Variants in APOB observed in about 807,000 individuals in gnomAD.
The protein encoded by APOB is apolipoprotein B, also known as apolipoprotein B-100.
A neutral mutation model predicts 314.1 loss-of-function variants in APOB; 153 were observed. That is an observed-to-expected ratio of 0.49 (90% CI 0.43 to 0.56). The LOEUF (loss-of-function observed/expected upper bound fraction) is 0.56. APOB is among the 20% of genes least tolerant of loss of function. The pLI, the probability that APOB is intolerant of heterozygous loss-of-function variation, is 0.00. For synonymous variants in APOB, 2,087 were observed against 2,036.4 expected, an observed-to-expected ratio of 1.02 and a Z score of -0.67; for missense variants, 5,430 against 5,350.7, an observed-to-expected ratio of 1.01 and a Z score of -0.46.
chr2:21,004,228 A>T (rs1411506498), intron 28 of APOB, 41 bp downstream of exon 28: 1 of 1,601,294 alleles, frequency 6.2e-7, no homozygotes, highest in Non-Finnish European at 8.6e-7. Flanking sequence ...CCAATTCTCC[A>T]CTCGCTCTTG....
At position 21,027,046 on chromosome 2, in the gene APOB, A is replaced by G. The variant is rs1180699366; in HGVS notation, c.2068-82T>C. 3.1e-6 allele frequency: 4 copies of G among 1,273,552 alleles called. No homozygotes were observed. The Admixed American group carries it at 7.1e-5, about 23-fold the overall frequency. 78.9% of individuals were successfully genotyped at this position (1,273,552 alleles called of 1,614,324 possible). On this transcript the variant is annotated intron_variant, in intron 14 of 28. Coordinates refer to ENST00000233242, the MANE Select transcript of APOB (RefSeq NM_000384.3). ...CTAGTAGTCCCCACTCTTGATGTCC[A>G]TTTATCTAAACAAGTATTTGAATAC...
intron 18 of APOB, 88 bp downstream of exon 18, chr2:21,022,743 A>G: frequency 1.6e-6 from 2 of 1,243,538 alleles, no homozygotes; most frequent in Non-Finnish European, 2.3e-6. Flanking sequence ...AATGATCTCA[A>G]TCAACTGTTT....
intron 14 of APOB, among the ~76,000 whole-genome samples, chr2:21,027,231 T>A (rs1663752386): frequency 6.6e-6 from 1 of 152,136 alleles, no homozygotes; most frequent in Admixed American, 6.5e-5. Context: ...TGATTTGAGA[T>A]TTGAAGCAGA....
In APOB at chr2:21,019,809, A is replaced by G; in HGVS notation, c.2913T>C (p.Pro971=). ...CGCCTGAGGTGCAGTAATTCAGGCC[A>G]GGAAAGACTTGCTTGCAAACTGACC... The part of the protein sequence containing the change: ...QSWSVCKQVF[P]GLNYCTSGAY... Residue 971 remains proline, a synonymous_variant, in exon 19 of 29, where the codon CCT becomes CCC. Coordinates refer to ENST00000233242, the MANE Select transcript of APOB (RefSeq NM_000384.3). The G allele has an allele frequency of 1.2e-6, 2 of 1,614,192 alleles. No homozygotes were observed. Among genetic ancestry groups the G allele is most frequent in the Non-Finnish European group, 1.7e-6 (2 of 1,180,026 alleles).
chr2:21,029,998 G>A lies in APOB; in HGVS notation c.1370C>T (p.Pro457Leu). 2.5e-6 allele frequency: 4 copies of A among 1,612,158 alleles called. No individual in the cohort carries two copies. Among genetic ancestry groups the A allele is most frequent in the Non-Finnish European group, 1.7e-6 (2 of 1,178,196 alleles). Residue 457 changes from proline to leucine, a missense_variant, in exon 11 of 29, where the codon CCT (proline) becomes CTT (leucine). This residue lies in a region of APOB where 2,085 missense variants were observed against 2,079.7 expected (regional missense o/e 1.00). Coordinates refer to ENST00000233242, the MANE Select transcript of APOB (RefSeq NM_000384.3). ...HAVNNYHKTN[P>L]TGTQELLDIA... ...GTCCAGCAGCTCCTGGGTCCCTGTA[G>A]GGTTTGTCTTATGATAGCTACAGAA... is the stretch of plus-strand genomic sequence containing the variant.
chr2:21,037,448 G>C (rs902748766), intron 5 of APOB, among the ~76,000 whole-genome samples, 193 bp from the exon 6 acceptor site: 2 of 152,168 alleles, frequency 1.3e-5, no homozygotes, highest in African/African-American at 4.8e-5. Context: ...GAGAAAACCA[G>C]TTAAAGGTGG....
chr2:21,004,245 T>C (rs760107115), intron 28 of APOB, 24 bp downstream of exon 28: 2 of 1,612,568 alleles, frequency 1.2e-6, no homozygotes, highest in Non-Finnish European at 1.7e-6. Context: ...CTTGGGGGCG[T>C]GTCACTCATT....
rs545958284 is a variant in APOB at position 21,017,022 on chromosome 2, C to CAAAT, written c.3122-377_3122-374dup. Among the ~76,000 whole-genome samples the CAAAT allele has an allele frequency of 9.6e-4, 125 of 129,922 alleles. 2 individuals are homozygous for CAAAT. The highest frequency in any genetic ancestry group is 4.6e-3 in the Admixed American group (58 of 12,690). The allele number at this position is 129,922 out of a possible 152,430, so 85.2% of individuals were successfully genotyped here. Reference sequence around the variant, plus strand: ...ATAAATAAATAAATAAATAAACAAACAAATAAATAAATAAATAAATAAAGA... The same window carrying CAAAT: ...ATAAATAAATAAATAAATAAACAAACAAATAAATAAATAAATAAATAAATAAAGA... On this transcript the variant is annotated intron_variant, in intron 20 of 28. Transcript: ENST00000233242.
chr2:21,003,877 AT>A (rs1346900021), intron 28 of APOB, among the ~76,000 whole-genome samples: 3 of 152,154 alleles, frequency 2.0e-5, no homozygotes, highest in Non-Finnish European at 4.4e-5. Flanking sequence ...CATGAGAGGA[AT>A]TTGATGTATC....
chr2:21,005,065 C>T lies in APOB; in HGVS notation c.11788+15G>A. On this transcript the variant is annotated intron_variant, in intron 26 of 28. Transcript: ENST00000233242. ...AATATACAGTATCTAGGAGAGGAGG[C>T]AGGATATTTCTTACCATTTAGTTCA... 6.2e-7 allele frequency: 1 copy of T among 1,613,008 alleles called. No homozygotes were observed. Among genetic ancestry groups the T allele is most frequent in the Non-Finnish European group, 8.5e-7 (1 of 1,179,530 alleles).
At chr2:21,041,152 G>A in intron 3 of APOB, 69 bp from the exon 4 acceptor site, 4 of 1,527,578 alleles carry the variant, frequency 2.6e-6, no homozygotes, top group Non-Finnish European at 3.6e-6. Context: ...TGAAGCCCAG[G>A]GCTTAATCTC....
At chr2:21,037,410 T>C (rs1048536082) in intron 5 of APOB, among the ~76,000 whole-genome samples, 155 bp from the exon 6 acceptor site, 2 of 152,174 alleles carry the variant, frequency 1.3e-5, no homozygotes, top group Non-Finnish European at 2.9e-5. Flanking sequence ...GTGGTCTTGC[T>C]AGTGCCTGGC....
intron 21 of APOB, among the ~76,000 whole-genome samples, chr2:21,015,847 T>G (rs1372316880): frequency 1.3e-5 from 2 of 152,184 alleles, no homozygotes; most frequent in Non-Finnish European, 2.9e-5. Context: ...TCCTTATCCA[T>G]GAAACAGGAA....
rs533171453 is a variant in APOB, at chr2:21,007,367, T to C, written c.9501A>G (p.Gln3167=). The C allele has an allele frequency of 2.9e-5, 46 of 1,613,962 alleles. No individual in the cohort carries two copies. The highest frequency in any genetic ancestry group is 3.9e-5 in the Non-Finnish European group (46 of 1,179,978). The change falls in exon 26 of 29, where the codon CAA becomes CAG. Residue 3167 remains glutamine, a synonymous_variant. Transcript: ENST00000233242. The part of the protein sequence containing the change: ...GLKEFLKTTK[Q]SFDLSVKAQY... ...GAGCTTTTACACTTAAATCAAATGA[T>C]TGCTTTGTCGTTTTCAAGAATTCCT...
rs536182427 is a variant in APOB, at chr2:21,011,705, G to A, written c.5163C>T (p.Val1721=). 5.7e-5 allele frequency: 92 copies of A among 1,614,074 alleles called. No homozygotes were observed. In the Admixed American group the frequency reaches 6.8e-4, roughly 12 times the overall value. The part of the protein sequence containing the change: ...GSAYQAMILG[V]DSKNIFNFKV... ...TGAAGTTGAAAATGTTTTTGCTGTC[G>A]ACACCCAGAATCATGGCCTGATAAG... The change falls in exon 26 of 29, where the codon GTC becomes GTT. Residue 1721 remains valine, a synonymous_variant. Transcript: ENST00000233242.
In APOB at chr2:21,005,376, A is replaced by T; in HGVS notation, c.11492T>A (p.Val3831Asp). Residue 3831 changes from valine (V) to aspartate (D), a missense_variant, in exon 26 of 29, where the codon GTT (valine) becomes GAT (aspartate). Around this residue, in one of 3 missense-constraint regions of APOB, gnomAD observed 3,281 missense variants for 3,171.0 expected, o/e 1.03. Coordinates refer to ENST00000233242, the MANE Select transcript of APOB (RefSeq NM_000384.3). ...ATCCAAAGCAGCAATGCCATCTGAA[A>T]CACTTTTTGGAAGCGTGAACTGGGA... ...TVSQFTLPKS[V>D]SDGIAALDLN... 3.7e-6 allele frequency: 6 copies of T among 1,614,094 alleles called. No homozygotes were observed. Among genetic ancestry groups the T allele is most frequent in the Non-Finnish European group, 5.1e-6 (6 of 1,179,956 alleles).
intron 4 of APOB, among the ~76,000 whole-genome samples, 155 bp from the exon 5 acceptor site, chr2:21,038,266 A>G (rs1002756891): frequency 9.2e-5 from 14 of 152,222 alleles, no homozygotes; most frequent in African/African-American, 3.1e-4. Context: ...AGCTACACAT[A>G]GACATACATT....
At chr2:21,012,773 T>A (rs1474045915) in intron 25 of APOB, 122 bp from the exon 26 acceptor site, 4 of 1,041,022 alleles carry the variant, frequency 3.8e-6, no homozygotes, top group Non-Finnish European at 5.6e-6. Flanking sequence ...AATAGACTCC[T>A]CCATCTGTAA....
At chr2:21,004,159 G>T in intron 28 of APOB, 110 bp downstream of exon 28, 1 of 1,177,204 alleles carries the variant, frequency 8.5e-7, no homozygotes. Flanking sequence ...CTTACCGCCT[G>T]TCTTTCACCT....
Sources: allele counts gnomAD v4.1 joint callset (sites outside exome capture counted in the v4.1 genomes callset), GRCh38; gene constraint gnomAD v4.1.1; regional missense constraint gnomAD v4.1.1; transcripts MANE v1.5; gene names NCBI Gene and HGNC (gene_info 2026-07-23, HGNC 2026-07-21).